The following KCTD16 variants were observed in gnomAD, a reference collection of about 807,000 sequenced individuals.
The protein encoded by KCTD16 is BTB/POZ domain-containing protein KCTD16.
In KCTD16, 13 loss-of-function variants were observed where a neutral mutation model predicts 33.2. That is an observed-to-expected ratio of 0.39 (90% CI 0.25 to 0.62). The LOEUF is 0.62. Among genes scored for constraint, KCTD16 ranks in the 20% least tolerant of loss-of-function variants. KCTD16 has a pLI of 0.50. For synonymous variants in KCTD16, 197 were observed against 195.3 expected, an observed-to-expected ratio of 1.01 and a Z score of -0.07; for missense variants, 441 against 525.1, an observed-to-expected ratio of 0.84 and a Z score of 1.57.
chr5:144,322,787 G>T (rs944766634), intron 3 of KCTD16, among the ~76,000 whole-genome samples: 1 of 151,536 alleles, frequency 6.6e-6, no homozygotes, highest in Non-Finnish European at 1.5e-5. Context: ...GAATGAGTTT[G>T]CATTGCTGTG....
intron 3 of KCTD16, among the ~76,000 whole-genome samples, chr5:144,372,574 G>A (rs1751993425): frequency 6.6e-6 from 1 of 152,146 alleles, no homozygotes. Context: ...TAGGGAAGAA[G>A]CCTGATTCAG....
At chr5:144,335,588 G>A (rs921041018) in intron 3 of KCTD16, among the ~76,000 whole-genome samples, 3 of 152,122 alleles carry the variant, frequency 2.0e-5, no homozygotes, top group African/African-American at 7.2e-5. Context: ...ATGATAAAGG[G>A]CTCTAATAGA....
intron 3 of KCTD16, among the ~76,000 whole-genome samples, chr5:144,462,593 T>C (rs1754225105): frequency 6.6e-6 from 1 of 151,712 alleles, no homozygotes; most frequent in Non-Finnish European, 1.5e-5. Flanking sequence ...CAAAAAACTC[T>C]TTTTCATTGA....
At chr5:144,305,341 T>G (rs965872951) in intron 3 of KCTD16, among the ~76,000 whole-genome samples, 5 of 152,106 alleles carry the variant, frequency 3.3e-5, no homozygotes, top group Non-Finnish European at 7.4e-5. Context: ...GCCCTAACCC[T>G]CAATGCCTCA....
At chr5:144,346,056 G>A (rs1001922498) in intron 3 of KCTD16, among the ~76,000 whole-genome samples, 1 of 150,090 alleles carries the variant, frequency 6.7e-6, no homozygotes, top group African/African-American at 2.5e-5. Flanking sequence ...CTGTGTCCAT[G>A]AGTTCAATTG....
rs1166248798 is a variant in KCTD16 at position 144,259,257 on chromosome 5, CAAAAAAA to C, written c.832+51732_832+51738del. 4.5e-4 allele frequency among the ~76,000 whole-genome samples: 22 copies of C among 48,416 alleles called. 2 individuals carry two copies. Among genetic ancestry groups the C allele is most frequent in the African/African-American group, 1.4e-3 (19 of 13,660 alleles). The allele number at this position is 48,416 out of a possible 152,430, so 31.8% of individuals were successfully genotyped here. On this transcript the variant is annotated intron_variant, in intron 3 of 3. Transcript: ENST00000512467. ...TGGATGACAGAGCGAGACTCCATCTCAAAAAAAAAAAAAAAAAAAAAAAAAAAGGGAT... is the reference window on the plus strand; with the variant it reads ...TGGATGACAGAGCGAGACTCCATCTCAAAAAAAAAAAAAAAAAAAAGGGAT...
At chr5:144,380,024 G>A (rs183603840) in intron 3 of KCTD16, among the ~76,000 whole-genome samples, 26 of 151,912 alleles carry the variant, frequency 1.7e-4, no homozygotes, top group Middle Eastern at 3.2e-3. Flanking sequence ...TTGCAAGTGT[G>A]GTTTCCTCTG....
chr5:144,398,316 T>TA (rs1752625221), intron 3 of KCTD16, among the ~76,000 whole-genome samples: 1 of 152,240 alleles, frequency 6.6e-6, no homozygotes, highest in Admixed American at 6.5e-5. Flanking sequence ...TGTCAGGTAG[T>TA]AAAGAGAAGA....
chr5:144,205,201 C>T (rs1044810146), intron 2 of KCTD16: 4 of 234,784 alleles, frequency 1.7e-5, no homozygotes, highest in Non-Finnish European at 3.3e-5. Flanking sequence ...CGTCCCCGCC[C>T]CAAGCCCCGC....
intron 2 of KCTD16, among the ~76,000 whole-genome samples, chr5:144,178,222 T>G (rs72800565): frequency 0.014 from 2,173 of 152,326 alleles, 22 homozygotes; most frequent in Non-Finnish European, 0.024. Flanking sequence ...TACCAGTTCT[T>G]AAACAATGTT....
chr5:144,305,843 A>T (rs931473812), intron 3 of KCTD16, among the ~76,000 whole-genome samples: 2 of 152,070 alleles, frequency 1.3e-5, no homozygotes, highest in Non-Finnish European at 2.9e-5. Flanking sequence ...AAAAATAAAT[A>T]AAAAATAAGA....
intron 3 of KCTD16, among the ~76,000 whole-genome samples, chr5:144,468,814 G>A (rs1284683676): frequency 2.0e-5 from 3 of 152,146 alleles, no homozygotes; most frequent in Non-Finnish European, 2.9e-5. Context: ...ATTAGCAGGC[G>A]GAAAATTTGA....
chr5:144,340,518 G>A (rs947821905), intron 3 of KCTD16, among the ~76,000 whole-genome samples: 2 of 151,972 alleles, frequency 1.3e-5, no homozygotes, highest in African/African-American at 4.8e-5. Flanking sequence ...GTGTCTGAGT[G>A]TGTCCAAGTA....
chr5:144,458,870 C>T (rs538889948), intron 3 of KCTD16, among the ~76,000 whole-genome samples: 25 of 152,244 alleles, frequency 1.6e-4, no homozygotes, highest in Middle Eastern at 3.4e-3. Context: ...TAAGATGTGA[C>T]AGGATGATGG....
intron 3 of KCTD16, among the ~76,000 whole-genome samples, chr5:144,463,117 T>C (rs1028193908): frequency 2.0e-5 from 3 of 152,182 alleles, no homozygotes; most frequent in African/African-American, 7.2e-5. Context: ...AGGAGGAGAC[T>C]TTTATATTAT....
chr5:144,322,244 T>C (rs2126885219), intron 3 of KCTD16, among the ~76,000 whole-genome samples: 1 of 152,280 alleles, frequency 6.6e-6, no homozygotes, highest in South Asian at 2.1e-4. Flanking sequence ...CTGTTCTATC[T>C]ACCTGCCTAG....
intron 3 of KCTD16, among the ~76,000 whole-genome samples, chr5:144,370,671 A>C (rs997118388): frequency 2.6e-5 from 4 of 152,212 alleles, no homozygotes; most frequent in African/African-American, 2.4e-5. Flanking sequence ...GCATATATTT[A>C]GGGAAAAGGT....
In KCTD16 at chr5:144,207,559, GGTT is replaced by G. The variant is rs1348653917; in HGVS notation, c.832+17_832+19del. 2 of 1,587,294 alleles carry G rather than the reference GGTT, an allele frequency of 1.3e-6. No individual in the cohort carries two copies. The highest frequency in any genetic ancestry group is 1.7e-6 in the Non-Finnish European group (2 of 1,162,374). The stretch of plus-strand genomic sequence containing the variant: ...TATGTCTTCTACCGTAAGTACAAAG[GGTT>G]GTTTTAATTTTTTATGTGTGTCAAT... On this transcript the variant is annotated intron_variant, in intron 3 of 3. Transcript: ENST00000512467.
chr5:144,350,672 A>G (rs1357295408), intron 3 of KCTD16, among the ~76,000 whole-genome samples: 1 of 152,260 alleles, frequency 6.6e-6, no homozygotes, highest in East Asian at 1.9e-4. Context: ...CATTCTGTGC[A>G]TGTCCAGAAA....
Sources: gnomAD v4.1 joint callset for allele counts (sites outside exome capture counted in the v4.1 genomes callset) on GRCh38, gnomAD v4.1.1 for gene constraint, MANE v1.5 for transcripts, NCBI Gene and HGNC (gene_info 2026-07-23, HGNC 2026-07-21) for gene names.